The following TNK2 variants were observed in gnomAD, a reference collection of about 807,000 sequenced individuals.
TNK2 encodes the protein tyrosine kinase non receptor 2, also known as activated CDC42 kinase 1.
Under a neutral mutation model 101.8 loss-of-function variants are expected in TNK2, and 83 were observed. That is an observed-to-expected ratio of 0.82 (90% CI 0.68 to 0.98). The LOEUF is 0.98. Among genes scored for constraint, TNK2 ranks in the 50% least tolerant of loss-of-function variants. The probability of loss-of-function intolerance (pLI) is 0.00; values close to 1 mark genes in which losing one functional copy is unlikely to be tolerated. For missense variants in TNK2, 1,665 were observed against 1,483.2 expected (o/e 1.12, Z -2.01); for synonymous variants, 804 against 633.0 (o/e 1.27, Z -4.06).
At chr3:195,881,871 G>A (rs1289348835) in intron 6 of TNK2, among the ~76,000 whole-genome samples, 180 bp downstream of exon 6, 1 of 152,130 alleles carries the variant, frequency 6.6e-6, no homozygotes, top group African/African-American at 2.4e-5. Context: ...TGGCACGTGG[G>A]CCCTCAAGAA....
chr3:195,901,865 T>C (rs1761240492), intron 1 of TNK2, among the ~76,000 whole-genome samples: 1 of 152,202 alleles, frequency 6.6e-6, no homozygotes, highest in Non-Finnish European at 1.5e-5. Context: ...TGCGGGCCCA[T>C]GGAGGTCCCC....
In TNK2 at chr3:195,864,950, G is replaced by A. The variant is rs1367768253; in HGVS notation, c.3162-763C>T. 1.8e-4 allele frequency among the ~76,000 whole-genome samples: 25 copies of A among 136,526 alleles called. 1 individual carries two copies. The highest frequency in any genetic ancestry group is 6.9e-4 in the African/African-American group (25 of 36,084). 89.6% of individuals were successfully genotyped at this position (136,526 alleles called of 152,430 possible). A position where few individuals can be genotyped will look rare whatever the true frequency, so the allele number is the denominator to read the frequency against. Reference sequence around the variant, plus strand: ...GACAGACAGGTGACACGGAGTGCCTGCATCCCAGATGCAAATCAGTAAGAA... The same window carrying A: ...GACAGACAGGTGACACGGAGTGCCTACATCCCAGATGCAAATCAGTAAGAA... On this transcript the variant is annotated intron_variant, in intron 15 of 15. Coordinates refer to ENST00000672887, the MANE Select transcript of TNK2 (RefSeq NM_001382273.1).
chr3:195,867,976 G>A lies in TNK2; in HGVS notation c.2322C>T (p.Ala774=), dbSNP rs751022637. The change falls in exon 13 of 16, where the codon GCC becomes GCT. Residue 774 remains alanine, a synonymous_variant. Coordinates refer to ENST00000672887, the MANE Select transcript of TNK2 (RefSeq NM_001382273.1). ...PTRPHVQLSP[A]PPGEEETSQW... ...GGCTGGTCTCCTCCTCGCCCGGGGGGGCTGGAGACAGCTGGACGTGTGGGC... is the reference window on the plus strand; with the variant it reads ...GGCTGGTCTCCTCCTCGCCCGGGGGAGCTGGAGACAGCTGGACGTGTGGGC... 1.1e-5 allele frequency: 17 copies of A among 1,550,322 alleles called. No individual in the cohort carries two copies. In the South Asian group the frequency reaches 1.2e-4, roughly 11 times the overall value.
intron 15 of TNK2, among the ~76,000 whole-genome samples, chr3:195,866,211 T>A (rs1395330486): frequency 6.6e-6 from 1 of 152,220 alleles, no homozygotes; most frequent in Non-Finnish European, 1.5e-5. Flanking sequence ...AGAGAAAATT[T>A]TTTTTTTTGG....
chr3:195,904,493 G>A (rs138014809), intron 1 of TNK2, among the ~76,000 whole-genome samples: 2 of 152,124 alleles, frequency 1.3e-5, no homozygotes, highest in Non-Finnish European at 2.9e-5. Context: ...CAAATTCATA[G>A]AGTCAGAAGG....
At chr3:195,899,497 T>C (rs986735994) in intron 1 of TNK2, among the ~76,000 whole-genome samples, 1 of 152,080 alleles carries the variant, frequency 6.6e-6, no homozygotes, top group Non-Finnish European at 1.5e-5. Context: ...CAGCTAATTT[T>C]TATATTTTTA....
intron 1 of TNK2, chr3:195,892,343 C>G (rs1027908234): frequency 1.4e-6 from 2 of 1,412,644 alleles, no homozygotes; most frequent in African/African-American, 2.9e-5. Flanking sequence ...CTTTCTGCCT[C>G]TCAGTCAAGT....
rs764091709 is a variant in TNK2 at position 195,868,646 on chromosome 3, C to A, written c.1652G>T (p.Gly551Val). ...TCGGGGCAGGCCTGGCTTCCGCAGG[C>A]CCAGCCTCTTGAAGTCGCTGGACAA... ...DPLSSDFKRL[G>V]LRKPGLPRGL... The change falls in exon 13 of 16, where the codon GGC becomes GTC. Residue 551 changes from glycine to valine, a missense_variant. This residue lies in a region of TNK2 where 1,136 missense variants were observed against 894.9 expected (regional missense o/e 1.27). Transcript: ENST00000672887. 9.4e-6 allele frequency: 15 copies of A among 1,594,186 alleles called. No individual in the cohort carries two copies. The highest frequency in any genetic ancestry group is 1.3e-5 in the Non-Finnish European group (15 of 1,178,076).
In TNK2 at chr3:195,878,334, T is replaced by A; in HGVS notation, c.1175A>T (p.Asp392Val). 1 of 1,614,072 alleles carries A rather than the reference T, an allele frequency of 6.2e-7. No individual in the cohort carries two copies. The highest frequency in any genetic ancestry group is 8.5e-7 in the Non-Finnish European group (1 of 1,179,996). ...CTCAAAGTCCTGAAGGGCCCGCATGTCTGTGGGCTGGGCCTGGAGGAAGAG... is the reference window on the plus strand; with the variant it reads ...CTCAAAGTCCTGAAGGGCCCGCATGACTGTGGGCTGGGCCTGGAGGAAGAG... ...RDFLLEAQPT[D>V]MRALQDFEEP... Residue 392 changes from aspartate (D) to valine (V), a missense_variant, in exon 9 of 16, where the codon GAC becomes GTC. Transcript: ENST00000672887. This position sits in a 1 kb window ranked among gnomAD's most constrained non-coding sequence, Gnocchi z 4.7.
intron 6 of TNK2, among the ~76,000 whole-genome samples, chr3:195,881,760 C>G (rs1045851416): frequency 7.3e-5 from 11 of 151,260 alleles, no homozygotes; most frequent in Non-Finnish European, 1.5e-4. Flanking sequence ...AACAATGCCC[C>G]TTGGAGAGGA....
rs1757000883 is a variant in TNK2, at chr3:195,888,292, C to A, written c.163+134G>T. On this transcript the variant is annotated intron_variant, in intron 2 of 15. Transcript: ENST00000672887. This position sits in a 1 kb window ranked among gnomAD's most constrained non-coding sequence, Gnocchi z 5.3. The stretch of plus-strand genomic sequence containing the variant: ...CAACTGTTCTCATCACACATCAGCA[C>A]CTACTGATGTCCCTCCTGCTCCCTC... 4 of 904,174 alleles carry A rather than the reference C, an allele frequency of 4.4e-6. No homozygotes were observed. Among genetic ancestry groups the A allele is most frequent in the South Asian group, 1.6e-5 (1 of 60,852 alleles). The allele number at this position is 904,174 out of a possible 1,614,324, so 56.0% of individuals were successfully genotyped here. A position where few individuals can be genotyped will look rare whatever the true frequency, so the allele number is the denominator to read the frequency against.
chr3:195,891,652 A>C (rs1758492518), intron 1 of TNK2, among the ~76,000 whole-genome samples: 1 of 148,636 alleles, frequency 6.7e-6, no homozygotes, highest in African/African-American at 2.6e-5. Context: ...CCTGGAGCAA[A>C]GTGACCCCCC....
chr3:195,892,363 G>A, intron 1 of TNK2: 1 of 1,482,950 alleles, frequency 6.7e-7, no homozygotes, highest in Admixed American at 2.1e-5. Flanking sequence ...TGCTGGTGCT[G>A]AGGAGCCCAA....
chr3:195,865,988 G>GT (rs573088403), intron 15 of TNK2, among the ~76,000 whole-genome samples: 24 of 152,048 alleles, frequency 1.6e-4, no homozygotes, highest in African/African-American at 5.8e-4. Flanking sequence ...GGCCTGGCCC[G>GT]TGTCAGCCCC....
intron 1 of TNK2, chr3:195,896,095 C>G (rs768284390): frequency 5.0e-5 from 23 of 455,840 alleles, no homozygotes; most frequent in South Asian, 3.6e-4. Flanking sequence ...CGGACTCCTG[C>G]TCAAAAGCCG....
intron 15 of TNK2, among the ~76,000 whole-genome samples, chr3:195,866,500 C>A (rs1740940446): frequency 6.6e-6 from 1 of 152,172 alleles, no homozygotes; most frequent in Non-Finnish European, 1.5e-5. Context: ...CGGTGCCCAG[C>A]CAACACTGAA....
Position 195,867,773 on chromosome 3 carries a change from T to C in TNK2, c.2525A>G (p.Tyr842Cys). The C allele has an allele frequency of 6.3e-7, 1 of 1,582,604 alleles. No homozygotes were observed. Among genetic ancestry groups the C allele is most frequent in the Non-Finnish European group, 8.6e-7 (1 of 1,166,440 alleles). ...GGCCTGGATCACCTGGGGGGTGGCG[T>C]ACTTGGGGTCTGAGGCAAAGCTCTG... The part of the protein sequence containing the change: ...TTQSFASDPK[Y>C]ATPQVIQAPG... Residue 842 changes from tyrosine (Y) to cysteine (C), a missense_variant, in exon 13 of 16, where the codon TAC becomes TGC. Coordinates refer to ENST00000672887, the MANE Select transcript of TNK2 (RefSeq NM_001382273.1).
intron 1 of TNK2, among the ~76,000 whole-genome samples, chr3:195,907,046 A>G (rs538968077): frequency 3.9e-5 from 6 of 152,358 alleles, no homozygotes; most frequent in Non-Finnish European, 4.4e-5. Context: ...CGATATAACC[A>G]GATCAAAAGC....
Position 195,868,595 on chromosome 3 carries a change from G to A in TNK2, c.1703C>T (p.Ala568Val), listed in dbSNP as rs777850590. 55 of 1,577,754 alleles carry A rather than the reference G, an allele frequency of 3.5e-5. 1 individual carries two copies. The highest frequency in any genetic ancestry group is 3.5e-4 in the East Asian group (15 of 43,348). Residue 568 changes from alanine (A) to valine (V), a missense_variant, in exon 13 of 16, where the codon GCG becomes GTG. Coordinates refer to ENST00000672887, the MANE Select transcript of TNK2 (RefSeq NM_001382273.1). ...PRGLWLAKPS[A>V]RVPGTKASRG... ...GCTGGCCTTGGTGCCCGGCACCCGC[G>A]CCGAGGGCTTCGCCAGCCACAGCCC...
Sources: gnomAD v4.1 joint callset for allele counts (sites outside exome capture counted in the v4.1 genomes callset) on GRCh38, gnomAD v4.1.1 for gene constraint, gnomAD v4.1.1 regional missense constraint, Gnocchi (gnomAD v3.1) non-coding constraint, MANE v1.5 for transcripts, NCBI Gene and HGNC (gene_info 2026-07-23, HGNC 2026-07-21) for gene names.